PACS1: variants seen among roughly 807,000 people sequenced by gnomAD.
PACS1 encodes the protein PACS-1.
Under a neutral mutation model 115.0 loss-of-function variants are expected in PACS1, and 24 were observed. That is an observed-to-expected ratio of 0.21 (90% CI 0.15 to 0.29). The LOEUF is 0.29. PACS1 is among the 10% of genes least tolerant of loss of function. The pLI is 1.00. For missense variants in PACS1, 838 were observed against 1,251.2 expected (o/e 0.67, Z 4.98); for synonymous variants, 453 against 504.5 (o/e 0.90, Z 1.37).
At chr11:66,163,720 T>C (rs1407306595) in intron 1 of PACS1, among the ~76,000 whole-genome samples, 1 of 152,180 alleles carries the variant, frequency 6.6e-6, no homozygotes, top group East Asian at 1.9e-4. Context: ...ATCAGGAATG[T>C]CTAAGGATTA....
rs1859965100 is a variant in PACS1, at chr11:66,180,064, A to T, written c.357-13422A>T. ...ACCATGTTGGCCAAGCTGGTCTCAAACTCCTGATCTCAGGTGATCCGCCTG... is the reference window on the plus strand; with the variant it reads ...ACCATGTTGGCCAAGCTGGTCTCAATCTCCTGATCTCAGGTGATCCGCCTG... On this transcript the variant is annotated intron_variant, in intron 1 of 23. Coordinates refer to ENST00000320580, the MANE Select transcript of PACS1 (RefSeq NM_018026.4). Among the ~76,000 whole-genome samples, 6 of 151,518 alleles carry T rather than the reference A, an allele frequency of 4.0e-5. No homozygotes were observed. In the South Asian group the frequency reaches 1.3e-3, roughly 32 times the overall value.
intron 21 of PACS1, 67 bp downstream of exon 21, chr11:66,239,344 C>T (rs1056253676): frequency 5.0e-5 from 77 of 1,551,508 alleles, no homozygotes; most frequent in Non-Finnish European, 5.9e-5. Flanking sequence ...ATTCCAGTGA[C>T]AGGCGCATGG....
intron 1 of PACS1, among the ~76,000 whole-genome samples, chr11:66,133,620 G>A (rs142297120): frequency 2.0e-5 from 3 of 152,298 alleles, no homozygotes; most frequent in Non-Finnish European, 4.4e-5. Flanking sequence ...TGTTCAAGCT[G>A]TCCTCCAGGG....
chr11:66,156,852 CG>C (rs750697296), intron 1 of PACS1, among the ~76,000 whole-genome samples: 8 of 124,820 alleles, frequency 6.4e-5, no homozygotes, highest in African/African-American at 2.3e-4. Flanking sequence ...GACTCTGTCT[CG>C]AAAAAAAAAA....
intron 1 of PACS1, among the ~76,000 whole-genome samples, chr11:66,161,688 G>A (rs1386252684): frequency 6.6e-6 from 1 of 152,106 alleles, no homozygotes; most frequent in Non-Finnish European, 1.5e-5. Flanking sequence ...ATTTCATTGG[G>A]ACAATGAATA....
At chr11:66,207,120 C>T (rs10750779) in intron 2 of PACS1, among the ~76,000 whole-genome samples, 1 of 151,774 alleles carries the variant, frequency 6.6e-6, no homozygotes, top group Admixed American at 6.6e-5. Flanking sequence ...ACAAATATGT[C>T]GATATGTATT....
intron 1 of PACS1, among the ~76,000 whole-genome samples, chr11:66,096,488 TAAA>T (rs1857784425): frequency 6.6e-6 from 1 of 151,720 alleles, no homozygotes; most frequent in Non-Finnish European, 1.5e-5. Flanking sequence ...CTTTTATGAA[TAAA>T]GTTGCTATGA....
intron 1 of PACS1, among the ~76,000 whole-genome samples, chr11:66,084,559 G>A (rs895314867): frequency 4.0e-5 from 6 of 151,772 alleles, no homozygotes; most frequent in Non-Finnish European, 8.8e-5. Context: ...GGTGGGAGCT[G>A]ATGCTGGCTT....
At chr11:66,157,089 T>C (rs1859379650) in intron 1 of PACS1, among the ~76,000 whole-genome samples, 1 of 152,116 alleles carries the variant, frequency 6.6e-6, no homozygotes, top group African/African-American at 2.4e-5. Flanking sequence ...GGATGGTACA[T>C]GTTACCAAGT....
intron 11 of PACS1, among the ~76,000 whole-genome samples, chr11:66,228,092 CT>C (rs1192739303): frequency 3.3e-5 from 5 of 151,656 alleles, no homozygotes; most frequent in Non-Finnish European, 7.4e-5. Flanking sequence ...TACTGTGCCC[CT>C]GCTTGTGCTG....
At chr11:66,215,950 T>A (rs112506581) in intron 4 of PACS1, among the ~76,000 whole-genome samples, 169 bp from the exon 5 acceptor site, 106 of 134,450 alleles carry the variant, frequency 7.9e-4, no homozygotes, top group African/African-American at 2.0e-3. Context: ...ATAATAATAA[T>A]AAACAAAGTA....
At chr11:66,110,816 G>A (rs975534833) in intron 1 of PACS1, among the ~76,000 whole-genome samples, 2 of 152,080 alleles carry the variant, frequency 1.3e-5, no homozygotes, top group African/African-American at 4.8e-5. Flanking sequence ...TGATCCTCCC[G>A]CCTCAGCCTC....
intron 10 of PACS1, among the ~76,000 whole-genome samples, chr11:66,222,698 C>T (rs1023671761): frequency 3.3e-5 from 5 of 152,164 alleles, no homozygotes; most frequent in Admixed American, 1.3e-4. Context: ...ATACCAAACT[C>T]GCCCTGCAGA....
At chr11:66,176,786 T>TTC (rs1859874943) in intron 1 of PACS1, among the ~76,000 whole-genome samples, 1 of 152,144 alleles carries the variant, frequency 6.6e-6, no homozygotes. Flanking sequence ...GAACATGATG[T>TTC]TCTCTCTGAC....
chr11:66,241,222 T>G, intron 21 of PACS1: 1 of 540,928 alleles, frequency 1.8e-6, no homozygotes, highest in Non-Finnish European at 3.3e-6. Flanking sequence ...TTTCGTGACT[T>G]GGGCCTTTAT....
At chr11:66,073,638 G>A (rs1857348495) in intron 1 of PACS1, among the ~76,000 whole-genome samples, 1 of 152,182 alleles carries the variant, frequency 6.6e-6, no homozygotes, top group African/African-American at 2.4e-5. Context: ...TTTAACATCT[G>A]TTAAATTCCC....
intron 1 of PACS1, among the ~76,000 whole-genome samples, chr11:66,097,331 C>G (rs1189105599): frequency 2.0e-5 from 3 of 152,136 alleles, no homozygotes; most frequent in African/African-American, 7.2e-5. Context: ...TGAGGAGACT[C>G]TCTCCCTTGC....
intron 1 of PACS1, among the ~76,000 whole-genome samples, chr11:66,098,082 C>T (rs772724254): frequency 3.9e-5 from 6 of 152,150 alleles, no homozygotes; most frequent in South Asian, 2.1e-4. Context: ...GAGGCTGAGG[C>T]GCAAGAATCA....
Position 66,224,599 on chromosome 11 carries a change from C to T in PACS1, c.1294-2905C>T, listed in dbSNP as rs917271825. Among the ~76,000 whole-genome samples the T allele has an allele frequency of 6.6e-4, 101 of 152,276 alleles. 1 individual carries two copies. Among genetic ancestry groups the T allele is most frequent in the Non-Finnish European group, 1.8e-4 (12 of 68,020 alleles). ...GAATCTAGATGTCTTTTTAGTGAGT[C>T]CTTCAAATTCTGGTTCCCTTGGCCA... On this transcript the variant is annotated intron_variant, in intron 10 of 23. Coordinates refer to ENST00000320580, the MANE Select transcript of PACS1 (RefSeq NM_018026.4).
Sources: allele counts gnomAD v4.1 joint callset (sites outside exome capture counted in the v4.1 genomes callset), GRCh38; gene constraint gnomAD v4.1.1; transcripts MANE v1.5; gene names NCBI Gene and HGNC (gene_info 2026-07-23, HGNC 2026-07-21).